The following PTPRK variants were observed in gnomAD, a reference collection of about 807,000 sequenced individuals.
The protein encoded by PTPRK is receptor-type tyrosine-protein phosphatase kappa.
A neutral mutation model predicts 178.0 loss-of-function variants in PTPRK; 75 were observed. The ratio of observed to expected loss-of-function variants is 0.42; its 90% confidence interval spans 0.35 to 0.51. The LOEUF (loss-of-function observed/expected upper bound fraction) is 0.51. Ranked by LOEUF, PTPRK falls within the 20% of genes least tolerant of loss-of-function variation. The pLI is 0.02. For missense variants in PTPRK, 1,441 were observed against 1,797.8 expected, an observed-to-expected ratio of 0.80 and a Z score of 3.59; for synonymous variants, 637 against 620.6, an observed-to-expected ratio of 1.03 and a Z score of -0.39.
intron 2 of PTPRK, among the ~76,000 whole-genome samples, chr6:128,335,654 T>C (rs377351301): frequency 2.6e-3 from 389 of 152,030 alleles, no homozygotes; most frequent in African/African-American, 8.8e-3. Context: ...ACAAATATAA[T>C]AAAAGAAACT....
chr6:128,009,153 A>T lies in PTPRK; in HGVS notation c.2310T>A (p.Val770=). ...ACCTCTTTTTTACAATTAATATGAC[A>T]ACTAGGAGAAGGAGGATGAACACCA... is the stretch of plus-strand genomic sequence containing the variant. ...GILVFILLLL[V]VILIVKKSKL... Residue 770 remains valine (V), a synonymous_variant, in exon 14 of 30, where the codon GTT becomes GTA. Coordinates refer to ENST00000368226, the MANE Select transcript of PTPRK (RefSeq NM_002844.4). 1 of 1,608,848 alleles carries T rather than the reference A, an allele frequency of 6.2e-7. No individual in the cohort carries two copies. The highest frequency in any genetic ancestry group is 8.5e-7 in the Non-Finnish European group (1 of 1,176,548).
intron 3 of PTPRK, among the ~76,000 whole-genome samples, chr6:128,256,155 GGTAGGAAATAACTATAGCACA>G (rs1817268299): frequency 6.6e-6 from 1 of 152,114 alleles, no homozygotes; most frequent in African/African-American, 2.4e-5. Flanking sequence ...AGATAAGCAT[GGTAGGAAATAACTATAGCACA>G]GTTATATGTG....
intron 13 of PTPRK, among the ~76,000 whole-genome samples, chr6:128,048,505 T>G (rs1478633752): frequency 1.3e-5 from 2 of 152,150 alleles, no homozygotes; most frequent in East Asian, 3.8e-4. Context: ...AAACATTACC[T>G]CACCAGCGAG....
intron 25 of PTPRK, among the ~76,000 whole-genome samples, chr6:127,977,580 CT>C (rs1176208588): frequency 6.6e-6 from 1 of 152,176 alleles, no homozygotes; most frequent in Non-Finnish European, 1.5e-5. Context: ...AACACTTGTG[CT>C]TTTACATTAT....
At chr6:128,139,636 CTCTT>C (rs949115453) in intron 7 of PTPRK, among the ~76,000 whole-genome samples, 4 of 152,054 alleles carry the variant, frequency 2.6e-5, no homozygotes, top group South Asian at 2.1e-4. Flanking sequence ...CTCTGCCTCT[CTCTT>C]TCTAACACTA....
At chr6:128,003,055 G>C in intron 15 of PTPRK, 1 of 730,000 alleles carries the variant, frequency 1.4e-6, no homozygotes, top group Non-Finnish European at 2.3e-6. Flanking sequence ...GTTGAACACA[G>C]TTGCTCTCTT....
At chr6:128,056,439 T>A (rs1435457284) in intron 13 of PTPRK, among the ~76,000 whole-genome samples, 1 of 152,028 alleles carries the variant, frequency 6.6e-6, no homozygotes, top group Non-Finnish European at 1.5e-5. Flanking sequence ...CTTTTTTTTT[T>A]TTTGAGATGG....
At chr6:128,319,955 G>A (rs1828560927) in intron 3 of PTPRK, among the ~76,000 whole-genome samples, 2 of 152,132 alleles carry the variant, frequency 1.3e-5, no homozygotes, top group Admixed American at 6.5e-5. Context: ...ATTAAGTTTT[G>A]TAGGTTAAGG....
At chr6:128,253,077 T>A (rs779716852) in intron 3 of PTPRK, among the ~76,000 whole-genome samples, 2 of 152,100 alleles carry the variant, frequency 1.3e-5, no homozygotes, top group Non-Finnish European at 2.9e-5. Flanking sequence ...GGCTTCCCAA[T>A]TCCAATATAG....
At chr6:128,288,810 C>T (rs866430336) in intron 3 of PTPRK, among the ~76,000 whole-genome samples, 6 of 152,206 alleles carry the variant, frequency 3.9e-5, no homozygotes, top group Middle Eastern at 3.4e-3. Context: ...TTAGTGGAAC[C>T]TAGCTTTGAA....
rs563052725 is a variant in PTPRK, at chr6:128,067,376, G to A, written c.2157+143C>T. 24 of 858,420 alleles carry A rather than the reference G, an allele frequency of 2.8e-5. No individual in the cohort carries two copies. The East Asian group carries it at 3.0e-4, about 11-fold the overall frequency. 53.2% of individuals were successfully genotyped at this position (858,420 alleles called of 1,614,324 possible). ...AGCCCTACTGTAGCCCCAAAACTGC[G>A]CACACTGTTGAGAACAGAACCCCCT... On this transcript the variant is annotated intron_variant, in intron 12 of 29. Transcript: ENST00000368226.
chr6:128,063,518 C>T (rs1290005216), intron 13 of PTPRK: 1 of 152,112 alleles, frequency 6.6e-6, no homozygotes, highest in Non-Finnish European at 1.5e-5. Flanking sequence ...TTTGGTTCTA[C>T]TTTAAATCTG....
intron 13 of PTPRK, among the ~76,000 whole-genome samples, chr6:128,048,225 C>G (rs1778396950): frequency 6.6e-6 from 1 of 152,174 alleles, no homozygotes; most frequent in Non-Finnish European, 1.5e-5. Flanking sequence ...ATTAGAAATG[C>G]AAATTCTTGG....
At chr6:128,337,417 T>C (rs1419995814) in intron 2 of PTPRK, among the ~76,000 whole-genome samples, 3 of 152,142 alleles carry the variant, frequency 2.0e-5, no homozygotes, top group Non-Finnish European at 4.4e-5. Context: ...TTACTGAATA[T>C]GTAAAGTGCT....
chr6:128,109,617 T>C (rs1373344042), intron 7 of PTPRK, among the ~76,000 whole-genome samples: 1 of 152,164 alleles, frequency 6.6e-6, no homozygotes, highest in East Asian at 1.9e-4. Flanking sequence ...ACTTAAATAC[T>C]TGAAAACTTG....
At chr6:128,134,746 G>T (rs2114479094) in intron 7 of PTPRK, among the ~76,000 whole-genome samples, 1 of 152,220 alleles carries the variant, frequency 6.6e-6, no homozygotes, top group Admixed American at 6.5e-5. Context: ...AAGAGGTCGA[G>T]GCTGCAGTGA....
chr6:128,260,557 C>T (rs1030964097), intron 3 of PTPRK, among the ~76,000 whole-genome samples: 1 of 152,096 alleles, frequency 6.6e-6, no homozygotes, highest in Non-Finnish European at 1.5e-5. Flanking sequence ...TGGAGATTAC[C>T]GCTTTTCTAA....
chr6:128,473,339 A>G (rs935641105), intron 1 of PTPRK, among the ~76,000 whole-genome samples: 3 of 150,460 alleles, frequency 2.0e-5, no homozygotes, highest in Non-Finnish European at 4.4e-5. Context: ...AAAGCACATG[A>G]TATCTGTCTG....
At chr6:128,430,938 TTC>T (rs1324005460) in intron 1 of PTPRK, among the ~76,000 whole-genome samples, 1 of 151,142 alleles carries the variant, frequency 6.6e-6, no homozygotes, top group Admixed American at 6.6e-5. Context: ...TTTAATTTTT[TTC>T]TTTTTTTTTT....
Sources: allele counts gnomAD v4.1 joint callset (sites outside exome capture counted in the v4.1 genomes callset), GRCh38; gene constraint gnomAD v4.1.1; transcripts MANE v1.5; gene names NCBI Gene and HGNC (gene_info 2026-07-23, HGNC 2026-07-21).